The following THRB variants were observed in gnomAD, a reference collection of about 807,000 sequenced individuals.
THRB encodes the protein nuclear receptor subfamily 1 group A member 2.
In THRB, 12 loss-of-function variants were observed where a neutral mutation model predicts 47.8. The ratio of observed to expected loss-of-function variants is 0.25; its 90% CI spans 0.16 to 0.41. The LOEUF (loss-of-function observed/expected upper bound fraction) is 0.41, where lower values mean the gene tolerates loss of function less well. Ranked by LOEUF, THRB falls within the 10% of genes least tolerant of loss-of-function variation. THRB has a pLI of 1.00. For synonymous variants in THRB, 218 were observed against 212.2 expected, an observed-to-expected ratio of 1.03 and a Z score of -0.24; for missense variants, 348 against 589.2, an observed-to-expected ratio of 0.59 and a Z score of 4.24.
chr3:24,161,654 A>ACACG (rs1553624014), intron 5 of THRB, among the ~76,000 whole-genome samples: 1,957 of 151,488 alleles, frequency 0.013, 48 homozygotes, highest in African/African-American at 0.04. Context: ...ACACACACAC[A>ACACG]GACAGAATTC....
At chr3:24,200,323 T>C (rs568169575) in intron 4 of THRB, among the ~76,000 whole-genome samples, 1 of 152,304 alleles carries the variant, frequency 6.6e-6, no homozygotes, top group African/African-American at 2.4e-5. Context: ...GAAATACCCC[T>C]TTTCAGGGTA....
chr3:24,314,578 A>T (rs2057984544), intron 2 of THRB, among the ~76,000 whole-genome samples: 1 of 152,116 alleles, frequency 6.6e-6, no homozygotes, highest in African/African-American at 2.4e-5. Context: ...AAAGGATAAA[A>T]CTCTTTTCCT....
intron 6 of THRB, among the ~76,000 whole-genome samples, chr3:24,148,296 T>C (rs2036400466): frequency 6.6e-6 from 1 of 152,112 alleles, no homozygotes; most frequent in South Asian, 2.1e-4. Flanking sequence ...CTGGCTAATT[T>C]TTGTATTTTT....
intron 3 of THRB, among the ~76,000 whole-genome samples, chr3:24,234,990 C>T (rs1199698589): frequency 5.3e-5 from 8 of 152,178 alleles, no homozygotes; most frequent in African/African-American, 1.9e-4. Context: ...GGTCTTTAAG[C>T]AGTGATCCAG....
At chr3:24,439,059 G>A (rs1323312362) in intron 1 of THRB, among the ~76,000 whole-genome samples, 3 of 152,170 alleles carry the variant, frequency 2.0e-5, no homozygotes, top group South Asian at 4.1e-4. Context: ...ATCACTCAGA[G>A]GTCATTCTGC....
intron 1 of THRB, among the ~76,000 whole-genome samples, chr3:24,370,869 G>A (rs1312336846): frequency 1.3e-5 from 2 of 152,106 alleles, no homozygotes; most frequent in African/African-American, 4.8e-5. Flanking sequence ...AACTGAAGTC[G>A]TCATTTGAAT....
At chr3:24,458,735 A>T (rs1172352575) in intron 1 of THRB, 1 of 152,188 alleles carries the variant, frequency 6.6e-6, no homozygotes, top group Non-Finnish European at 1.5e-5. Flanking sequence ...AGTACTGAGA[A>T]AATTAATCTC....
At chr3:24,331,243 T>G (rs1248484480) in intron 2 of THRB, among the ~76,000 whole-genome samples, 1 of 151,970 alleles carries the variant, frequency 6.6e-6, no homozygotes, top group Non-Finnish European at 1.5e-5. Flanking sequence ...AACTCATAAG[T>G]CTACTCCTCC....
chr3:24,464,658 T>C (rs1466983727), intron 1 of THRB, among the ~76,000 whole-genome samples: 1 of 152,214 alleles, frequency 6.6e-6, no homozygotes, highest in East Asian at 1.9e-4. Flanking sequence ...AGTTGTCTTA[T>C]TTGTTGTTAT....
Position 24,183,501 on chromosome 3 carries a change from G to A in THRB, c.283+6573C>T, listed in dbSNP as rs190232307. Among the ~76,000 whole-genome samples the A allele has an allele frequency of 8.2e-3, 1,240 of 150,514 alleles. 7 individuals carry two copies. The highest frequency in any genetic ancestry group is 0.01 in the Non-Finnish European group (689 of 67,686). On this transcript the variant is annotated intron_variant, in intron 5 of 10. Coordinates refer to ENST00000646209, the MANE Select transcript of THRB (RefSeq NM_001354712.2). ...TCCTGCCTCGGCCTCCTGAGTAGCT[G>A]GGATTACAGGCACACGCCACCATCC... is the stretch of plus-strand genomic sequence containing the variant.
chr3:24,487,781 A>G (rs1387497534), intron 1 of THRB, among the ~76,000 whole-genome samples: 1 of 152,236 alleles, frequency 6.6e-6, no homozygotes, highest in Non-Finnish European at 1.5e-5. Context: ...AAGTATGGAC[A>G]TGCCAGTTGT....
intron 4 of THRB, among the ~76,000 whole-genome samples, chr3:24,216,150 T>A (rs1443817457): frequency 1.3e-5 from 2 of 152,174 alleles, no homozygotes; most frequent in Non-Finnish European, 2.9e-5. Context: ...GTGTGAGAAG[T>A]GTGAAGGCAA....
chr3:24,213,339 C>T (rs749557581), intron 4 of THRB, among the ~76,000 whole-genome samples: 3 of 152,156 alleles, frequency 2.0e-5, no homozygotes, highest in African/African-American at 7.2e-5. Flanking sequence ...GGTCAGGAAG[C>T]AAAGCACATT....
chr3:24,330,620 A>G (rs1452362765), intron 2 of THRB, among the ~76,000 whole-genome samples: 1 of 152,164 alleles, frequency 6.6e-6, no homozygotes, highest in Non-Finnish European at 1.5e-5. Context: ...TTACTACGTA[A>G]GTGTGTAGGC....
At chr3:24,179,723 G>C in intron 5 of THRB, among the ~76,000 whole-genome samples, 1 of 152,080 alleles carries the variant, frequency 6.6e-6, no homozygotes, top group East Asian at 1.9e-4. Flanking sequence ...AATAAAACAA[G>C]TAATAACAAA....
At chr3:24,204,001 C>G (rs2044954368) in intron 4 of THRB, among the ~76,000 whole-genome samples, 1 of 152,252 alleles carries the variant, frequency 6.6e-6, no homozygotes, top group Non-Finnish European at 1.5e-5. Context: ...GTAAACAAAG[C>G]AGCCGGGAAG....
At chr3:24,440,066 T>G (rs1304504163) in intron 1 of THRB, among the ~76,000 whole-genome samples, 1 of 152,240 alleles carries the variant, frequency 6.6e-6, no homozygotes, top group Non-Finnish European at 1.5e-5. Flanking sequence ...TGCCACTGAT[T>G]TAAACTAAGT....
In THRB at chr3:24,143,688, T is replaced by C. The variant is rs1462634112; in HGVS notation, c.551A>G (p.Lys184Arg). 6.2e-7 allele frequency: 1 copy of C among 1,614,138 alleles called. No individual in the cohort carries two copies. Among genetic ancestry groups the C allele is most frequent in the Admixed American group, 1.7e-5 (1 of 60,014 alleles). Residue 184 changes from lysine (K) to arginine (R), a missense_variant, in exon 8 of 11, where the codon AAG becomes AGG. By Grantham distance (26) the Lys-to-Arg change is conservative (BLOSUM62 2). Transcript: ENST00000646209. ...TATCAGCTTCCTCTTGGCCAGCCTC[T>C]TGCTGTCATCCAGCACCACTGGGAG... is the stretch of plus-strand genomic sequence containing the variant. ...MATDLVLDDS[K>R]RLAKRKLIEE... is the part of the protein sequence containing the mutation.
chr3:24,118,011 C>A lies in THRB; in HGVS notation c.*4873G>T, dbSNP rs933010555. ...GGCCCCTTCCAAAGAGGTAACCCCCCATCAGCATTTTACTTAGTTTCTTCT... is the reference window on the plus strand; with the variant it reads ...GGCCCCTTCCAAAGAGGTAACCCCCAATCAGCATTTTACTTAGTTTCTTCT... On this transcript the variant is annotated 3_prime_UTR_variant, in exon 11 of 11. Transcript: ENST00000646209. 5 of 152,176 alleles carry A rather than the reference C, an allele frequency of 3.3e-5. No homozygotes were observed. The highest frequency in any genetic ancestry group is 7.3e-5 in the Non-Finnish European group (5 of 68,032). 9.4% of individuals were successfully genotyped at this position (152,176 alleles called of 1,614,324 possible).
Sources: gnomAD v4.1 joint callset for allele counts (sites outside exome capture counted in the v4.1 genomes callset) on GRCh38, gnomAD v4.1.1 for gene constraint, MANE v1.5 for transcripts, NCBI Gene and HGNC (gene_info 2026-07-23, HGNC 2026-07-21) for gene names.